FSTL4: variants seen among roughly 807,000 people sequenced by gnomAD.
FSTL4 encodes follistatin like 4, also known as follistatin-related protein 4.
A neutral mutation model predicts 78.2 loss-of-function variants in FSTL4; 28 were observed. The ratio of observed to expected loss-of-function variants is 0.36; its 90% CI spans 0.27 to 0.49. The LOEUF (loss-of-function observed/expected upper bound fraction) is 0.49. Among genes scored for constraint, FSTL4 ranks in the 20% least tolerant of loss-of-function variants. FSTL4 has a pLI of 0.98. For missense variants in FSTL4, 922 were observed against 1,084.9 expected, an observed-to-expected ratio of 0.85 and a Z score of 2.11; for synonymous variants, 422 against 440.5, an observed-to-expected ratio of 0.96 and a Z score of 0.53.
Position 133,316,784 on chromosome 5 carries a change from T to C in FSTL4, c.410-132A>G. ...CACTATGTGCAGTGCACGGTGCAAC[T>C]GTCGTCGATGGGACTTGTTTGTGTT... On this transcript the variant is annotated intron_variant, in intron 4 of 15. Coordinates refer to ENST00000265342, the MANE Select transcript of FSTL4 (RefSeq NM_015082.2). The C allele has an allele frequency of 4.6e-6, 3 of 649,576 alleles. No homozygotes were observed. The South Asian group carries it at 6.6e-5, about 14-fold the overall frequency. 40.2% of individuals were successfully genotyped at this position (649,576 alleles called of 1,614,324 possible). A position where few individuals can be genotyped will look rare whatever the true frequency, so the allele number is the denominator to read the frequency against.
chr5:133,289,506 T>C (rs1057083304), intron 6 of FSTL4, among the ~76,000 whole-genome samples: 5 of 152,232 alleles, frequency 3.3e-5, no homozygotes, highest in African/African-American at 7.2e-5. Flanking sequence ...CAGGAGCTCC[T>C]GAGAGTGGGG....
intron 3 of FSTL4, among the ~76,000 whole-genome samples, chr5:133,532,000 A>T (rs1238368867): frequency 6.6e-6 from 1 of 152,204 alleles, no homozygotes; most frequent in Non-Finnish European, 1.5e-5. Context: ...GTTCTCTTAC[A>T]CTGCAAAACG....
intron 3 of FSTL4, among the ~76,000 whole-genome samples, chr5:133,543,282 C>A (rs1759512845): frequency 6.6e-6 from 1 of 152,074 alleles, no homozygotes; most frequent in Non-Finnish European, 1.5e-5. Context: ...CAACTCCTGG[C>A]CTCAAGCAAT....
intron 5 of FSTL4, 85 bp downstream of exon 5, chr5:133,316,374 A>G (rs1479227358): frequency 9.8e-7 from 1 of 1,024,500 alleles, no homozygotes; most frequent in Admixed American, 1.9e-5. Flanking sequence ...TATTGAACAC[A>G]TGCTCTTAGA....
intron 3 of FSTL4, among the ~76,000 whole-genome samples, chr5:133,403,776 G>A (rs1303444730): frequency 6.6e-6 from 1 of 152,188 alleles, no homozygotes; most frequent in Admixed American, 6.5e-5. Flanking sequence ...GGGCTTCAGA[G>A]ACCACCTACT....
chr5:133,709,282 A>G, the FSTL4 span, among the ~76,000 whole-genome samples: 1 of 152,232 alleles, frequency 6.6e-6, no homozygotes, highest in East Asian at 1.9e-4. Flanking sequence ...GAGCCCATCT[A>G]TTCACTGGAA....
At chr5:133,626,130 CAT>C in the FSTL4 span, among the ~76,000 whole-genome samples, 24 of 8,596 alleles carry the variant, frequency 2.8e-3, no homozygotes, top group African/African-American at 7.5e-3. Context: ...ATATATATTC[CAT>C]ATATATATAT....
At position 133,426,412 on chromosome 5, in the gene FSTL4, A is replaced by G. The variant is rs1336415290; in HGVS notation, c.161-25426T>C. Among the ~76,000 whole-genome samples the G allele has an allele frequency of 6.6e-6, 1 of 152,118 alleles. No homozygotes were observed. The highest frequency in any genetic ancestry group is 1.5e-5 in the Non-Finnish European group (1 of 68,022). ...GTCACTTCATGGGGGTTCTGGGCAG[A>G]TGAATAGCGCTGCCCTGCCCCCTCC... On this transcript the variant is annotated intron_variant, in intron 3 of 15. Coordinates refer to ENST00000265342, the MANE Select transcript of FSTL4 (RefSeq NM_015082.2). The surrounding 1 kb of genome is among the most constrained non-coding windows in gnomAD (Gnocchi z 5.0).
At chr5:133,581,551 C>T (rs1215805900) in intron 2 of FSTL4, among the ~76,000 whole-genome samples, 3 of 152,244 alleles carry the variant, frequency 2.0e-5, no homozygotes, top group Non-Finnish European at 4.4e-5. Flanking sequence ...GGCCTTGTGC[C>T]TGGGCAAAGG....
chr5:133,439,794 G>A (rs1276983060), intron 3 of FSTL4, among the ~76,000 whole-genome samples: 1 of 152,236 alleles, frequency 6.6e-6, no homozygotes. Flanking sequence ...CCACTGGGAA[G>A]GCTTTGCCGA....
intron 4 of FSTL4, among the ~76,000 whole-genome samples, chr5:133,367,700 T>C (rs576718440): frequency 4.6e-5 from 7 of 152,122 alleles, no homozygotes; most frequent in Admixed American, 2.0e-4. Context: ...AGGAAGCGGG[T>C]TTCCCTGCTA....
chr5:133,577,899 AAAAC>A (rs1212298025), intron 2 of FSTL4, among the ~76,000 whole-genome samples: 5 of 152,178 alleles, frequency 3.3e-5, no homozygotes, highest in Admixed American at 6.5e-5. Context: ...ACTCTGTCTC[AAAAC>A]AAACAAACAA....
At chr5:133,630,358 CA>C in the FSTL4 span, among the ~76,000 whole-genome samples, 1 of 149,844 alleles carries the variant, frequency 6.7e-6, no homozygotes, top group Admixed American at 6.7e-5. Flanking sequence ...CAATAATAGA[CA>C]GACAGCCAAA....
At chr5:133,745,001 G>A in the FSTL4 span, among the ~76,000 whole-genome samples, 1 of 152,226 alleles carries the variant, frequency 6.6e-6, no homozygotes, top group African/African-American at 2.4e-5. Flanking sequence ...TCAGCCATGG[G>A]ATCAAGGCTG....
the FSTL4 span, among the ~76,000 whole-genome samples, chr5:133,739,899 T>TC: frequency 1.3e-5 from 2 of 151,406 alleles, no homozygotes; most frequent in East Asian, 3.9e-4. Context: ...CTCTGTCTTT[T>TC]TTTTTTTTTT....
chr5:133,268,467 C>T (rs1192250370), intron 6 of FSTL4, among the ~76,000 whole-genome samples: 1 of 152,164 alleles, frequency 6.6e-6, no homozygotes, highest in African/African-American at 2.4e-5. Flanking sequence ...GGCTAATGCA[C>T]ATTTGAGTTC....
chr5:133,616,900 T>C (rs1477390861), upstream of FSTL4, among the ~76,000 whole-genome samples: 3 of 152,086 alleles, frequency 2.0e-5, no homozygotes, highest in African/African-American at 7.2e-5. Flanking sequence ...TTTGGACACT[T>C]ACTTGTCTTG....
At chr5:133,762,760 C>G in the FSTL4 span, among the ~76,000 whole-genome samples, 1 of 152,148 alleles carries the variant, frequency 6.6e-6, no homozygotes, top group African/African-American at 2.4e-5. Flanking sequence ...AGTGTCATTT[C>G]CGAGACCACT....
At chr5:133,836,278 T>G in the FSTL4 span, among the ~76,000 whole-genome samples, 2 of 152,196 alleles carry the variant, frequency 1.3e-5, no homozygotes. Context: ...GTATTTTCAC[T>G]ATCTCATTTT....
Sources: gnomAD v4.1 joint callset for allele counts (sites outside exome capture counted in the v4.1 genomes callset) on GRCh38, gnomAD v4.1.1 for gene constraint, Gnocchi (gnomAD v3.1) non-coding constraint, MANE v1.5 for transcripts, NCBI Gene and HGNC (gene_info 2026-07-23, HGNC 2026-07-21) for gene names.